SLC25A17: variants seen among roughly 807,000 people sequenced by gnomAD.
The protein encoded by SLC25A17 is solute carrier family 25 member 17.
In SLC25A17, 26 loss-of-function variants were observed where a neutral mutation model predicts 38.5. The ratio of observed to expected loss-of-function variants is 0.68; its 90% CI spans 0.50 to 0.94. SLC25A17 has a LOEUF of 0.94. Ranked by LOEUF, SLC25A17 falls within the 40% of genes least tolerant of loss-of-function variation. The pLI is 0.00. For synonymous variants in SLC25A17, 139 were observed against 136.2 expected, an observed-to-expected ratio of 1.02 and a Z score of -0.14; for missense variants, 333 against 372.7, an observed-to-expected ratio of 0.89 and a Z score of 0.88.
chr22:40,817,861 C>T (rs1294419916), intron 1 of SLC25A17, among the ~76,000 whole-genome samples: 1 of 152,190 alleles, frequency 6.6e-6, no homozygotes, highest in Admixed American at 6.5e-5. Flanking sequence ...AAACACAGGC[C>T]TCCATGCCCA....
intron 4 of SLC25A17, among the ~76,000 whole-genome samples, chr22:40,786,148 G>A (rs951534399): frequency 6.6e-6 from 1 of 151,958 alleles, no homozygotes; most frequent in Non-Finnish European, 1.5e-5. Context: ...CCGTCTCTAG[G>A]AAAATACAAA....
intron 1 of SLC25A17, among the ~76,000 whole-genome samples, chr22:40,802,853 T>A (rs1486615501): frequency 6.6e-6 from 1 of 152,158 alleles, no homozygotes; most frequent in African/African-American, 2.4e-5. Context: ...ATTAAAAGAA[T>A]ACCACAGTGA....
chr22:40,806,759 G>T (rs920402013), intron 1 of SLC25A17, among the ~76,000 whole-genome samples: 6 of 152,104 alleles, frequency 3.9e-5, no homozygotes, highest in Non-Finnish European at 5.9e-5. Context: ...GTTCCTGGCA[G>T]CCACTAATCG....
intron 1 of SLC25A17, among the ~76,000 whole-genome samples, chr22:40,811,370 A>C (rs144757053): frequency 1.1e-4 from 16 of 151,174 alleles, no homozygotes; most frequent in African/African-American, 3.7e-4. Flanking sequence ...GGATTACAGG[A>C]GTGAGTCAAT....
chr22:40,812,577 T>C (rs73887880), intron 1 of SLC25A17, among the ~76,000 whole-genome samples: 4,543 of 152,190 alleles, frequency 0.03, 223 homozygotes, highest in African/African-American at 0.11. Context: ...GGGTGAAAAC[T>C]AGTGGTGGGG....
intron 2 of SLC25A17, among the ~76,000 whole-genome samples, chr22:40,796,610 T>C (rs1213619680): frequency 1.4e-5 from 2 of 147,748 alleles, no homozygotes; most frequent in African/African-American, 5.1e-5. Context: ...AGAGAGACTC[T>C]GTCTCAAAAA....
intron 1 of SLC25A17, among the ~76,000 whole-genome samples, chr22:40,818,949 C>A (rs1404671309): frequency 6.6e-6 from 1 of 152,068 alleles, no homozygotes; most frequent in Non-Finnish European, 1.5e-5. Flanking sequence ...TGAGCGGGCA[C>A]GTGTGAACAC....
intron 8 of SLC25A17, among the ~76,000 whole-genome samples, chr22:40,771,584 T>G (rs2057183627): frequency 6.6e-6 from 1 of 152,222 alleles, no homozygotes; most frequent in Non-Finnish European, 1.5e-5. Flanking sequence ...GAGGTCATTC[T>G]GCTAAGTGAA....
chr22:40,779,160 C>A lies in SLC25A17; in HGVS notation c.335-35G>T, dbSNP rs752292345. ...GAAAGATGGAGAGAAAAAGGGAAGG[C>A]AAAATGTCAGCTTTTAAGCTTTGCT... On this transcript the variant is annotated intron_variant, in intron 4 of 8. Transcript: ENST00000435456. The A allele has an allele frequency of 6.8e-6, 11 of 1,613,878 alleles. No individual in the cohort carries two copies. In the South Asian group the frequency reaches 1.1e-4, roughly 16 times the overall value.
chr22:40,794,502 G>A lies in SLC25A17; in HGVS notation c.182+12C>T. ...AGTTGCTTTAACGAAGGTGAACTGAGGTAGTACTCACAGTCCTTCTTCTTT... is the reference window on the plus strand; with the variant it reads ...AGTTGCTTTAACGAAGGTGAACTGAAGTAGTACTCACAGTCCTTCTTCTTT... On this transcript the variant is annotated intron_variant, in intron 3 of 8. Coordinates refer to ENST00000435456, the MANE Select transcript of SLC25A17 (RefSeq NM_006358.4). 1.3e-6 allele frequency: 2 copies of A among 1,574,972 alleles called. No homozygotes were observed. The highest frequency in any genetic ancestry group is 1.7e-5 in the Admixed American group (1 of 59,282).
chr22:40,799,166 C>T, intron 1 of SLC25A17, 83 bp from the exon 2 acceptor site: 1 of 1,032,090 alleles, frequency 9.7e-7, no homozygotes, highest in Non-Finnish European at 1.5e-6. Context: ...GGATCTTGCT[C>T]TGTCATCTAG....
rs756884620 is a variant in SLC25A17 at position 40,819,183 on chromosome 22, A to C, written c.54+12T>G. 3.1e-5 allele frequency: 50 copies of C among 1,612,692 alleles called. No homozygotes were observed. The highest frequency in any genetic ancestry group is 3.6e-5 in the Non-Finnish European group (43 of 1,179,838). ...AACCCGTTGCGGCCCGGGCGTAAAGACCCCGTCTCACCACGGCTCCGGCCA... is the reference window on the plus strand; with the variant it reads ...AACCCGTTGCGGCCCGGGCGTAAAGCCCCCGTCTCACCACGGCTCCGGCCA... On this transcript the variant is annotated intron_variant, in intron 1 of 8. Transcript: ENST00000435456.
At chr22:40,799,608 C>T (rs556298659) in intron 1 of SLC25A17, 1 of 152,256 alleles carries the variant, frequency 6.6e-6, no homozygotes, top group African/African-American at 2.4e-5. Flanking sequence ...GATCCACCCG[C>T]CTCAGGCCTC....
intron 1 of SLC25A17, among the ~76,000 whole-genome samples, chr22:40,804,021 A>T (rs1330183270): frequency 6.6e-6 from 1 of 152,110 alleles, no homozygotes; most frequent in Non-Finnish European, 1.5e-5. Context: ...AACAGCTATT[A>T]GATATCATCA....
chr22:40,776,921 G>A (rs1195381609), intron 7 of SLC25A17, 119 bp downstream of exon 7: 2 of 835,912 alleles, frequency 2.4e-6, no homozygotes, highest in Non-Finnish European at 3.8e-6. Flanking sequence ...AAAACAGATA[G>A]GGAATATTCT....
At chr22:40,787,760 A>G (rs911041758) in intron 4 of SLC25A17, among the ~76,000 whole-genome samples, 1 of 152,148 alleles carries the variant, frequency 6.6e-6, no homozygotes, top group Admixed American at 6.5e-5. Flanking sequence ...CAACAACAAC[A>G]AAGATAGGCA....
chr22:40,788,875 CA>C (rs2057360878), intron 4 of SLC25A17: 2 of 258,534 alleles, frequency 7.7e-6, no homozygotes. Context: ...TTAGCTTCCT[CA>C]AAAATCACCT....
intron 8 of SLC25A17, 81 bp downstream of exon 8, chr22:40,773,856 G>A (rs2057212517): frequency 1.0e-6 from 1 of 967,628 alleles, no homozygotes; most frequent in African/African-American, 1.6e-5. Flanking sequence ...GCAGTAGTGT[G>A]AGAGAGGGAA....
intron 8 of SLC25A17, among the ~76,000 whole-genome samples, chr22:40,773,558 T>G (rs1221089635): frequency 1.3e-5 from 2 of 152,168 alleles, no homozygotes; most frequent in African/African-American, 4.8e-5. Flanking sequence ...CTATTATCAC[T>G]TTTTCCACTG....
Sources: gnomAD v4.1 joint callset for allele counts (sites outside exome capture counted in the v4.1 genomes callset) on GRCh38, gnomAD v4.1.1 for gene constraint, MANE v1.5 for transcripts, NCBI Gene and HGNC (gene_info 2026-07-23, HGNC 2026-07-21) for gene names.